YTHDC2: variants seen among roughly 807,000 people sequenced by gnomAD.
YTHDC2 encodes YTH N6-methyladenosine RNA binding protein C2.
Under a neutral mutation model 174.9 loss-of-function variants are expected in YTHDC2, and 45 were observed. The ratio of observed to expected loss-of-function variants is 0.26; its 90% CI spans 0.20 to 0.33. The LOEUF is 0.33. Among genes scored for constraint, YTHDC2 ranks in the 10% least tolerant of loss-of-function variants. The probability of loss-of-function intolerance (pLI) is 1.00; values close to 1 mark genes in which losing one functional copy is unlikely to be tolerated. For synonymous variants in YTHDC2, 657 were observed against 574.5 expected, an observed-to-expected ratio of 1.14 and a Z score of -2.05; for missense variants, 1,650 against 1,723.7, an observed-to-expected ratio of 0.96 and a Z score of 0.76.
At chr5:113,529,492 C>G (rs10036298) in intron 4 of YTHDC2, among the ~76,000 whole-genome samples, 2 of 152,082 alleles carry the variant, frequency 1.3e-5, no homozygotes, top group Non-Finnish European at 2.9e-5. Context: ...GAGTTAACAT[C>G]TTTCTGTACT....
In YTHDC2 at chr5:113,540,960, T is replaced by G. The variant is rs1375601277; in HGVS notation, c.1211-8T>G. ...GTCTACATATTCTTTCTTTGATAATTAATTTAGAAGAGAAACAACAAACCA... is the reference window on the plus strand; with the variant it reads ...GTCTACATATTCTTTCTTTGATAATGAATTTAGAAGAGAAACAACAAACCA... On this transcript the variant is annotated splice_region_variant and splice_polypyrimidine_tract_variant and intron_variant, in intron 8 of 29. Coordinates refer to ENST00000161863, the MANE Select transcript of YTHDC2 (RefSeq NM_022828.5). 1.2e-6 allele frequency: 2 copies of G among 1,605,810 alleles called. No homozygotes were observed. The highest frequency in any genetic ancestry group is 1.7e-6 in the Non-Finnish European group (2 of 1,177,010).
At chr5:113,586,981 A>G (rs1778725184) in intron 26 of YTHDC2, among the ~76,000 whole-genome samples, 1 of 15,146 alleles carries the variant, frequency 6.6e-5, no homozygotes, top group Non-Finnish European at 1.0e-4. Context: ...GTATTCATAT[A>G]TAATATATAA....
chr5:113,543,948 C>T (rs576239570), intron 10 of YTHDC2, among the ~76,000 whole-genome samples: 2 of 152,320 alleles, frequency 1.3e-5, no homozygotes, highest in East Asian at 3.9e-4. Flanking sequence ...ACCATTTTCT[C>T]ACGATATTTC....
At chr5:113,573,109 T>A (rs1777835763) in intron 23 of YTHDC2, among the ~76,000 whole-genome samples, 1 of 152,168 alleles carries the variant, frequency 6.6e-6, no homozygotes, top group Non-Finnish European at 1.5e-5. Context: ...TGGTAATGGA[T>A]TTTTCCCTTT....
In YTHDC2 at chr5:113,534,458, A is replaced by G. The variant is rs779432272; in HGVS notation, c.945+51A>G. ...ATGTAACTCAGATTGCTTAAAATTT[A>G]AATACATATGCCGTTTCAGGATAGT... On this transcript the variant is annotated intron_variant, in intron 6 of 29. Coordinates refer to ENST00000161863, the MANE Select transcript of YTHDC2 (RefSeq NM_022828.5). 8.7e-6 allele frequency: 13 copies of G among 1,497,942 alleles called. No individual in the cohort carries two copies. In the South Asian group the frequency reaches 1.4e-4, roughly 16 times the overall value. The allele number at this position is 1,497,942 out of a possible 1,614,324, so 92.8% of individuals were successfully genotyped here. A position where few individuals can be genotyped will look rare whatever the true frequency, so the allele number is the denominator to read the frequency against.
rs902481866 is a variant in YTHDC2 at position 113,579,516 on chromosome 5, ATTC to A, written c.3245-64_3245-62del. 69 of 1,181,352 alleles carry A rather than the reference ATTC, an allele frequency of 5.8e-5. 1 individual carries two copies. Among genetic ancestry groups the A allele is most frequent in the Non-Finnish European group, 7.6e-5 (64 of 839,144 alleles). 73.2% of individuals were successfully genotyped at this position (1,181,352 alleles called of 1,614,324 possible). ...GGGTTTGTGTATATGAAGCGTATTT[ATTC>A]TTCTTAGTTTTTTGCCATAACGTAA... On this transcript the variant is annotated intron_variant, in intron 23 of 29. Coordinates refer to ENST00000161863, the MANE Select transcript of YTHDC2 (RefSeq NM_022828.5).
At chr5:113,522,322 C>T (rs940222578) in intron 2 of YTHDC2, among the ~76,000 whole-genome samples, 1 of 151,868 alleles carries the variant, frequency 6.6e-6, no homozygotes, top group Non-Finnish European at 1.5e-5. Flanking sequence ...TAGTAACATC[C>T]TTTTAAATTA....
intron 4 of YTHDC2, among the ~76,000 whole-genome samples, chr5:113,529,622 T>TA (rs1463567382): frequency 6.6e-6 from 1 of 152,174 alleles, no homozygotes; most frequent in East Asian, 1.9e-4. Context: ...TGTTGATTCT[T>TA]AGTTATCTTT....
chr5:113,515,932 G>T (rs1431282730), intron 2 of YTHDC2, among the ~76,000 whole-genome samples: 1 of 152,132 alleles, frequency 6.6e-6, no homozygotes, highest in Admixed American at 6.5e-5. Context: ...AGTCTAGAGT[G>T]GTTTCTCTTG....
intron 7 of YTHDC2, among the ~76,000 whole-genome samples, chr5:113,538,709 A>G (rs367741016): frequency 2.1e-4 from 32 of 152,060 alleles, no homozygotes; most frequent in African/African-American, 5.3e-4. Flanking sequence ...TCACAACTCT[A>G]TATTTACCTT....
intron 18 of YTHDC2, among the ~76,000 whole-genome samples, chr5:113,563,153 T>G (rs1481362773): frequency 6.6e-6 from 1 of 151,982 alleles, no homozygotes; most frequent in Non-Finnish European, 1.5e-5. Context: ...AATGGCAATC[T>G]TGGTATAAGT....
intron 23 of YTHDC2, among the ~76,000 whole-genome samples, chr5:113,573,926 G>A (rs1400162446): frequency 6.6e-6 from 1 of 152,132 alleles, no homozygotes; most frequent in Non-Finnish European, 1.5e-5. Flanking sequence ...GCTCAGCGAA[G>A]TTTGTTATTA....
intron 2 of YTHDC2, among the ~76,000 whole-genome samples, chr5:113,520,623 T>G (rs1401257942): frequency 6.6e-6 from 1 of 152,136 alleles, no homozygotes; most frequent in East Asian, 1.9e-4. Flanking sequence ...GACCTTGACC[T>G]GAAAGTGGAT....
chr5:113,528,403 A>G (rs1774430982), intron 4 of YTHDC2, among the ~76,000 whole-genome samples: 2 of 152,296 alleles, frequency 1.3e-5, no homozygotes, highest in South Asian at 4.1e-4. Context: ...GAATGTAAGT[A>G]GTATTTTATC....
At chr5:113,536,614 C>T (rs967224579) in intron 7 of YTHDC2, among the ~76,000 whole-genome samples, 4 of 152,144 alleles carry the variant, frequency 2.6e-5, no homozygotes, top group Non-Finnish European at 4.4e-5. Context: ...ACAATTGCCC[C>T]TATCCTTGTT....
At chr5:113,575,272 A>T (rs2112769152) in intron 23 of YTHDC2, among the ~76,000 whole-genome samples, 1 of 152,348 alleles carries the variant, frequency 6.6e-6, no homozygotes, top group African/African-American at 2.4e-5. Context: ...TTAATGATTC[A>T]GCAAATATTT....
chr5:113,541,193 T>C, intron 9 of YTHDC2, 77 bp downstream of exon 9: 8 of 153,552 alleles, frequency 5.2e-5, no homozygotes, highest in Non-Finnish European at 7.2e-5. Context: ...GAGCTTATAA[T>C]TTTTTTTTTT....
chr5:113,518,704 A>G (rs560682445), intron 2 of YTHDC2, among the ~76,000 whole-genome samples: 3 of 151,786 alleles, frequency 2.0e-5, no homozygotes, highest in Non-Finnish European at 4.4e-5. Context: ...TCATTGACTC[A>G]TTCTCTTATT....
intron 6 of YTHDC2, 107 bp downstream of exon 6, chr5:113,534,514 T>G (rs1010418341): frequency 1.2e-5 from 11 of 924,100 alleles, no homozygotes; most frequent in Non-Finnish European, 1.7e-5. Context: ...AATTACATTT[T>G]TGGAATAGGG....
Sources: allele counts gnomAD v4.1 joint callset (sites outside exome capture counted in the v4.1 genomes callset), GRCh38; gene constraint gnomAD v4.1.1; transcripts MANE v1.5; gene names NCBI Gene and HGNC (gene_info 2026-07-23, HGNC 2026-07-21).